ZNF341: variants seen among roughly 807,000 people sequenced by gnomAD.
ZNF341 encodes zinc finger protein 341.
In ZNF341, 52 loss-of-function variants were observed where a neutral mutation model predicts 87.7. The ratio of observed to expected loss-of-function variants is 0.59; its 90% confidence interval spans 0.47 to 0.75. The LOEUF (loss-of-function observed/expected upper bound fraction) is 0.75, where lower values mean the gene tolerates loss of function less well. ZNF341 is among the 30% of genes least tolerant of loss of function. The probability of loss-of-function intolerance (pLI) is 0.00; values close to 1 mark genes in which losing one functional copy is unlikely to be tolerated. For missense variants in ZNF341, 977 were observed against 1,145.9 expected (o/e 0.85, Z 2.13); for synonymous variants, 459 against 472.7 (o/e 0.97, Z 0.38).
At chr20:33,741,096 T>A in intron 2 of ZNF341, 84 bp downstream of exon 2, 1 of 1,296,204 alleles carries the variant, frequency 7.7e-7, no homozygotes, top group Non-Finnish European at 1.1e-6. Flanking sequence ...GCTGTGGGAG[T>A]GAAATGCTTG....
chr20:33,736,180 T>C (rs981937206), intron 1 of ZNF341, among the ~76,000 whole-genome samples: 1 of 149,206 alleles, frequency 6.7e-6, no homozygotes, highest in Non-Finnish European at 1.5e-5. Flanking sequence ...TTCTGAACCA[T>C]TTCCTACACC....
intron 12 of ZNF341, among the ~76,000 whole-genome samples, chr20:33,786,785 T>G (rs1423704375): frequency 7.6e-6 from 1 of 131,686 alleles, no homozygotes; most frequent in African/African-American, 2.7e-5. Flanking sequence ...CTGGCCAACG[T>G]GATGAAACCC....
chr20:33,753,204 C>T lies in ZNF341; in HGVS notation c.522C>T (p.Tyr174=), dbSNP rs777001057. Residue 174 remains tyrosine, a synonymous_variant, in exon 5 of 15, where the codon TAC becomes TAT. Transcript: ENST00000375200. The stretch of plus-strand genomic sequence containing the variant: ...TGAACATGCATTCCGTGCCCAGCTA[C>T]CTCACCCAGCCTCCACCTCCTCCTC... The part of the protein sequence containing the change: ...SSLNMHSVPS[Y]LTQPPPPPPP... 1.2e-6 allele frequency: 2 copies of T among 1,611,998 alleles called. No individual in the cohort carries two copies. The highest frequency in any genetic ancestry group is 1.7e-6 in the Non-Finnish European group (2 of 1,179,986).
intron 4 of ZNF341, among the ~76,000 whole-genome samples, chr20:33,751,927 AT>A (rs1053163851): frequency 6.6e-6 from 1 of 152,126 alleles, no homozygotes; most frequent in African/African-American, 2.4e-5. Flanking sequence ...CATGACCAAA[AT>A]TCCAGACTCC....
At chr20:33,786,315 C>A (rs1236189182) in intron 12 of ZNF341, among the ~76,000 whole-genome samples, 1 of 152,062 alleles carries the variant, frequency 6.6e-6, no homozygotes, top group South Asian at 2.1e-4. Context: ...ATGTATGAAC[C>A]GTTAAATTAC....
At chr20:33,760,928 A>G (rs1354742454) in intron 7 of ZNF341, among the ~76,000 whole-genome samples, 1 of 151,652 alleles carries the variant, frequency 6.6e-6, no homozygotes, top group East Asian at 1.9e-4. Flanking sequence ...TTTTTTGTTT[A>G]CTTTATGATA....
chr20:33,790,699 A>ATT (rs2019991411), intron 14 of ZNF341, among the ~76,000 whole-genome samples: 1 of 152,142 alleles, frequency 6.6e-6, no homozygotes, highest in Admixed American at 6.5e-5. Context: ...TGAGCCTGAG[A>ATT]TGACCTGGCA....
intron 2 of ZNF341, 115 bp downstream of exon 2, chr20:33,741,127 T>C: frequency 3.0e-6 from 3 of 985,766 alleles, no homozygotes; most frequent in Non-Finnish European, 4.7e-6. Context: ...CAGGACATGC[T>C]CTGGTGTCTG....
chr20:33,742,259 C>T (rs745573501), intron 2 of ZNF341, among the ~76,000 whole-genome samples: 5 of 152,000 alleles, frequency 3.3e-5, no homozygotes, highest in Non-Finnish European at 7.4e-5. Context: ...TGCAGTGGCG[C>T]GATCTCGGCT....
intron 10 of ZNF341, among the ~76,000 whole-genome samples, 193 bp downstream of exon 10, chr20:33,770,485 C>T (rs544882698): frequency 6.6e-6 from 1 of 152,124 alleles, no homozygotes; most frequent in Non-Finnish European, 1.5e-5. Context: ...AGGATGCTGG[C>T]TCTCCTTATA....
At position 33,767,005 on chromosome 20, in the gene ZNF341, G is replaced by A. The variant is rs1167747828; in HGVS notation, c.1377G>A (p.Gln459=). The change falls in exon 9 of 15, where the codon CAG becomes CAA. Residue 459 remains glutamine, a synonymous_variant. Coordinates refer to ENST00000375200, the MANE Select transcript of ZNF341 (RefSeq NM_001282933.2). ...FCPSKFSTYF[Q]LKSHMTQHKN... ...CCAGCAAATTCAGCACCTACTTCCA[G>A]CTCAAGTCTCACATGACCCAGCATA... 6.2e-7 allele frequency: 1 copy of A among 1,614,022 alleles called. No homozygotes were observed. Among genetic ancestry groups the A allele is most frequent in the Admixed American group, 1.7e-5 (1 of 60,016 alleles).
intron 8 of ZNF341, among the ~76,000 whole-genome samples, chr20:33,764,911 C>A (rs1322536979): frequency 6.6e-6 from 1 of 151,838 alleles, no homozygotes; most frequent in Non-Finnish European, 1.5e-5. Context: ...ATTGTAGCCT[C>A]GAACTCCCGG....
chr20:33,762,126 T>G, intron 8 of ZNF341, 71 bp downstream of exon 8: 6 of 1,419,690 alleles, frequency 4.2e-6, no homozygotes, highest in Non-Finnish European at 5.7e-6. Context: ...TATTGCTAGC[T>G]GTGTGACCTT....
intron 1 of ZNF341, among the ~76,000 whole-genome samples, chr20:33,739,820 A>G (rs955727607): frequency 4.6e-5 from 7 of 152,180 alleles, no homozygotes; most frequent in African/African-American, 1.7e-4. Flanking sequence ...AGTCTAAGAT[A>G]GGAAGATGGC....
chr20:33,774,677 C>T (rs1216244805), intron 10 of ZNF341, among the ~76,000 whole-genome samples: 1 of 152,166 alleles, frequency 6.6e-6, no homozygotes, highest in African/African-American at 2.4e-5. Flanking sequence ...TCACTTAAAA[C>T]AGTAATATAG....
chr20:33,750,155 C>G (rs923960064), intron 4 of ZNF341, among the ~76,000 whole-genome samples: 3 of 152,208 alleles, frequency 2.0e-5, no homozygotes, highest in Non-Finnish European at 2.9e-5. Flanking sequence ...GACCATCTCC[C>G]TTTGTTGTCC....
At chr20:33,746,228 C>CTTTTTTT (rs34461652) in intron 3 of ZNF341, among the ~76,000 whole-genome samples, 3 of 104,096 alleles carry the variant, frequency 2.9e-5, no homozygotes, top group African/African-American at 1.4e-4. Flanking sequence ...CGCGCCCGGC[C>CTTTTTTT]TTTTTTTTTT....
chr20:33,753,567 T>G (rs542972400), intron 5 of ZNF341, 144 bp downstream of exon 5: 311 of 1,101,026 alleles, frequency 2.8e-4, no homozygotes, highest in Admixed American at 7.6e-4. Context: ...TCATGGGGTG[T>G]ACCACATCAC....
chr20:33,762,951 G>A (rs182015564), intron 8 of ZNF341, among the ~76,000 whole-genome samples: 7 of 152,266 alleles, frequency 4.6e-5, no homozygotes, highest in Admixed American at 2.6e-4. Flanking sequence ...AATGTGAACT[G>A]ATAAAAGTAG....
Sources: gnomAD v4.1 joint callset for allele counts (sites outside exome capture counted in the v4.1 genomes callset) on GRCh38, gnomAD v4.1.1 for gene constraint, MANE v1.5 for transcripts, NCBI Gene and HGNC (gene_info 2026-07-23, HGNC 2026-07-21) for gene names.